ANKRD42: variants seen among roughly 807,000 people sequenced by gnomAD.
ANKRD42 encodes the protein ankyrin repeat domain 42, also known as ankyrin repeat domain-containing protein 42.
ANKRD42 carries 43 observed loss-of-function variants against 51.5 expected under a neutral mutation model. That is an observed-to-expected ratio of 0.83 (90% CI 0.65 to 1.08). The LOEUF (loss-of-function observed/expected upper bound fraction) is 1.08. Ranked by LOEUF, ANKRD42 falls within the 50% of genes least tolerant of loss-of-function variation. The probability of loss-of-function intolerance (pLI) is 0.00; values close to 1 mark genes in which losing one functional copy is unlikely to be tolerated. For synonymous variants in ANKRD42, 203 were observed against 213.0 expected, an observed-to-expected ratio of 0.95 and a Z score of 0.41; for missense variants, 608 against 629.3, an observed-to-expected ratio of 0.97 and a Z score of 0.36.
chr11:83,254,588 G>A (rs748287242), intron 11 of ANKRD42, among the ~76,000 whole-genome samples: 1 of 151,810 alleles, frequency 6.6e-6, no homozygotes, highest in Non-Finnish European at 1.5e-5. Context: ...TGCAGGACAA[G>A]CCCAGCTAAT....
At chr11:83,199,820 G>A (rs1240424094) in intron 2 of ANKRD42, among the ~76,000 whole-genome samples, 1 of 152,162 alleles carries the variant, frequency 6.6e-6, no homozygotes, top group Non-Finnish European at 1.5e-5. Flanking sequence ...TTTGCTTCTT[G>A]TAACCAAATC....
chr11:83,254,430 CTTTTCTTTTTTTTT>C (rs1284295497), intron 11 of ANKRD42, among the ~76,000 whole-genome samples: 1 of 130,412 alleles, frequency 7.7e-6, no homozygotes, highest in African/African-American at 3.0e-5. Context: ...TTTCTTTTTT[CTTTTCTTTTTTTTT>C]TTTTTGAGAC....
At chr11:83,213,494 AGGCT>A in intron 5 of ANKRD42, 3 of 1,338,630 alleles carry the variant, frequency 2.2e-6, no homozygotes, top group Non-Finnish European at 2.9e-6. Context: ...ATTTTGTGTT[AGGCT>A]TCCTTCGCTT....
chr11:83,218,017 T>A (rs1489467878), intron 5 of ANKRD42, among the ~76,000 whole-genome samples: 1 of 152,222 alleles, frequency 6.6e-6, no homozygotes, highest in Non-Finnish European at 1.5e-5. Flanking sequence ...GGCAAACTTT[T>A]GGAGTTTTCT....
At position 83,194,468 on chromosome 11, in the gene ANKRD42, G is replaced by C; in HGVS notation, c.-203G>C. ...GAAGACGCCAGCTACCGCTTCAGTG[G>C]CTTTTGGGAGAGAGAAAGTGAAGAC... is the stretch of plus-strand genomic sequence containing the variant. On this transcript the variant is annotated 5_prime_UTR_variant, in exon 1 of 11. Transcript: ENST00000533342. The C allele has an allele frequency of 2.8e-6, 2 of 703,824 alleles. No individual in the cohort carries two copies. The highest frequency in any genetic ancestry group is 5.2e-6 in the Non-Finnish European group (2 of 386,614). 43.6% of individuals were successfully genotyped at this position (703,824 alleles called of 1,614,324 possible).
intron 1 of ANKRD42, 90 bp from the exon 2 acceptor site, chr11:83,198,389 A>G (rs924897681): frequency 3.5e-5 from 45 of 1,291,314 alleles, no homozygotes; most frequent in Non-Finnish European, 4.4e-5. Flanking sequence ...AGCCAAAGTA[A>G]TTTTGTGCTT....
At position 83,194,416 on chromosome 11, in the gene ANKRD42, A is replaced by G. The variant is rs565598839; in HGVS notation, c.-255A>G. The stretch of plus-strand genomic sequence containing the variant: ...AAGTGGAGACCGCGGCTACGCAGCC[A>G]GCGACTCCTCTGGTGTGAGCGGCAG... On this transcript the variant is annotated 5_prime_UTR_variant, in exon 1 of 11. Transcript: ENST00000533342. The G allele has an allele frequency of 4.4e-4, 302 of 682,660 alleles. No homozygotes were observed. The highest frequency in any genetic ancestry group is 1.4e-3 in the Middle Eastern group (6 of 4,296). The allele number at this position is 682,660 out of a possible 1,614,324, so 42.3% of individuals were successfully genotyped here. A position where few individuals can be genotyped will look rare whatever the true frequency, so the allele number is the denominator to read the frequency against.
At chr11:83,257,233 G>C (rs1438220795), downstream of ANKRD42, 1 of 440,116 alleles carries the variant, frequency 2.3e-6, no homozygotes, top group African/African-American at 2.0e-5. Flanking sequence ...ATAGATGCAA[G>C]GGTCCAGAGG....
chr11:83,245,189 C>T (rs191682799), intron 9 of ANKRD42, among the ~76,000 whole-genome samples: 11 of 152,334 alleles, frequency 7.2e-5, no homozygotes, highest in Admixed American at 4.6e-4. Flanking sequence ...AGGCGTGAAC[C>T]GCCATGCCTG....
At chr11:83,261,332 G>T (rs1036393696), downstream of ANKRD42, 1 of 152,194 alleles carries the variant, frequency 6.6e-6, no homozygotes, top group African/African-American at 2.4e-5. Flanking sequence ...CTCCCAAAGT[G>T]CTGAGATTAC....
intron 2 of ANKRD42, among the ~76,000 whole-genome samples, chr11:83,204,940 C>A (rs1471209210): frequency 1.3e-5 from 2 of 151,954 alleles, no homozygotes; most frequent in African/African-American, 2.4e-5. Flanking sequence ...TAGGCAAATG[C>A]AAATTAAGAC....
At chr11:83,230,122 A>G (rs688930) in intron 7 of ANKRD42, among the ~76,000 whole-genome samples, 49,015 of 152,036 alleles carry the variant, frequency 0.32, 8,589 homozygotes, top group South Asian at 0.4. Context: ...GGCGATCACG[A>G]CTAACTGCAG....
intron 2 of ANKRD42, among the ~76,000 whole-genome samples, chr11:83,199,236 T>C (rs139461674): frequency 2.4e-4 from 36 of 152,308 alleles, no homozygotes; most frequent in Admixed American, 2.0e-3. Flanking sequence ...AGTACCCCTC[T>C]CAGGTGCCAT....
intron 2 of ANKRD42, among the ~76,000 whole-genome samples, chr11:83,202,016 G>A (rs1350283926): frequency 1.3e-5 from 2 of 152,036 alleles, no homozygotes; most frequent in Non-Finnish European, 2.9e-5. Context: ...ATTTGTCAAT[G>A]TTGGCTTTTG....
At position 83,243,461 on chromosome 11, in the gene ANKRD42, C is replaced by A. The variant is rs1863449792; in HGVS notation, c.1196-2037C>A. The stretch of plus-strand genomic sequence containing the variant: ...TAATCTTAGTTCTTACCTCTGAGGA[C>A]CCCATAGAACAGGCTTTACGAAACA... On this transcript the variant is annotated intron_variant, in intron 9 of 10. Coordinates refer to ENST00000533342, the MANE Select transcript of ANKRD42 (RefSeq NM_001300975.2). Among the ~76,000 whole-genome samples the A allele has an allele frequency of 2.0e-5, 3 of 152,242 alleles. No homozygotes were observed. The South Asian group carries it at 6.2e-4, about 32-fold the overall frequency.
Position 83,248,281 on chromosome 11 carries a change from A to T in ANKRD42, c.*77A>T. 7.0e-7 allele frequency: 1 copy of T among 1,421,946 alleles called. No individual in the cohort carries two copies. Among genetic ancestry groups the T allele is most frequent in the Non-Finnish European group, 9.1e-7 (1 of 1,096,126 alleles). The allele number at this position is 1,421,946 out of a possible 1,614,324, so 88.1% of individuals were successfully genotyped here. On this transcript the variant is annotated 3_prime_UTR_variant, in exon 11 of 11. Transcript: ENST00000533342. The stretch of plus-strand genomic sequence containing the variant: ...TAACTTATACTTTCTAGAGCTGATG[A>T]CAGGATTAAAGGAATACACACACAC...
At chr11:83,243,967 CTTTTTTT>C (rs66756456) in intron 9 of ANKRD42, among the ~76,000 whole-genome samples, 19 of 66,964 alleles carry the variant, frequency 2.8e-4, no homozygotes, top group African/African-American at 7.2e-4. Flanking sequence ...CCTGGCTGCC[CTTTTTTT>C]TTTTTTTTTT....
At chr11:83,225,102 A>T in intron 6 of ANKRD42, 47 bp downstream of exon 6, 1 of 1,507,770 alleles carries the variant, frequency 6.6e-7, no homozygotes, top group Non-Finnish European at 9.1e-7. Flanking sequence ...GATGATGATG[A>T]TGATGATAAT....
At chr11:83,199,563 C>CT (rs1253353743) in intron 2 of ANKRD42, among the ~76,000 whole-genome samples, 2 of 152,128 alleles carry the variant, frequency 1.3e-5, no homozygotes. Context: ...CAATTTTTAG[C>CT]TAGTACTAAC....
Sources: gnomAD v4.1 joint callset for allele counts (sites outside exome capture counted in the v4.1 genomes callset) on GRCh38, gnomAD v4.1.1 for gene constraint, MANE v1.5 for transcripts, NCBI Gene and HGNC (gene_info 2026-07-23, HGNC 2026-07-21) for gene names.